Variants in ADGRE5 observed in about 807,000 individuals in gnomAD.
The protein encoded by ADGRE5 is CD97 molecule.
ADGRE5 carries 72 observed loss-of-function variants against 100.3 expected under a neutral mutation model. The observed-to-expected ratio is 0.72, with a 90% CI of 0.59 to 0.87. The LOEUF is 0.87. Among genes scored for constraint, ADGRE5 ranks in the 40% least tolerant of loss-of-function variants. The probability of loss-of-function intolerance (pLI) is 0.00; values close to 1 mark genes in which losing one functional copy is unlikely to be tolerated. For synonymous variants in ADGRE5, 439 were observed against 447.8 expected (o/e 0.98, Z 0.25); for missense variants, 959 against 1,094.7 (o/e 0.88, Z 1.75).
At chr19:14,399,202 G>A (rs1426698500) in intron 9 of ADGRE5, among the ~76,000 whole-genome samples, 2 of 151,850 alleles carry the variant, frequency 1.3e-5, no homozygotes, top group Non-Finnish European at 2.9e-5. Flanking sequence ...TATAGTCAGT[G>A]TGAAGGGTAA....
Position 14,408,716 on chromosome 19 carries a change from A to G in ADGRE5, c.*595A>G. On this transcript the variant is annotated 3_prime_UTR_variant, in exon 20 of 20. Transcript: ENST00000242786. ...TTGACACTTAAAATTAAACACATGC[A>G]TACAGAAGATGGCCTTGCCTGCTGG... 1.6e-6 allele frequency: 1 copy of G among 621,506 alleles called. No homozygotes were observed. Among genetic ancestry groups the G allele is most frequent in the Non-Finnish European group, 2.7e-6 (1 of 374,926 alleles). The allele number at this position is 621,506 out of a possible 1,614,324, so 38.5% of individuals were successfully genotyped here. A position where few individuals can be genotyped will look rare whatever the true frequency, so the allele number is the denominator to read the frequency against.
chr19:14,398,378 C>G (rs1975866827), intron 9 of ADGRE5: 7 of 513,642 alleles, frequency 1.4e-5, no homozygotes, highest in Non-Finnish European at 1.8e-5. Context: ...ACTTAAGAAC[C>G]TGGAGTTGAG....
chr19:14,387,754 T>C (rs751439629), intron 1 of ADGRE5, among the ~76,000 whole-genome samples: 1 of 151,144 alleles, frequency 6.6e-6, no homozygotes, highest in Non-Finnish European at 1.5e-5. Context: ...TTTAATTTTT[T>C]GGCCTGGCAT....
Position 14,402,680 on chromosome 19 carries a change from C to G in ADGRE5, c.1267C>G (p.Gln423Glu), listed in dbSNP as rs1229535536. The G allele has an allele frequency of 1.2e-6, 2 of 1,614,046 alleles. No individual in the cohort carries two copies. Among genetic ancestry groups the G allele is most frequent in the Non-Finnish European group, 1.7e-6 (2 of 1,180,028 alleles). Residue 423 changes from glutamine to glutamate, a missense_variant, in exon 12 of 20, where the codon CAA becomes GAA. By Grantham distance (29) the Gln-to-Glu change is conservative (BLOSUM62 2). This residue lies in a region of ADGRE5 where 246 missense variants were observed against 242.2 expected (regional missense o/e 1.02). Transcript: ENST00000242786. ...NASLNLHSKK[Q>E]AELEEIYESS... Reference sequence around the variant, plus strand: ...CTCCTTGAACCTGCATTCCAAGAAGCAAGCCGAACTGGAGGAGATATATGA... The same window carrying G: ...CTCCTTGAACCTGCATTCCAAGAAGGAAGCCGAACTGGAGGAGATATATGA...
At position 14,406,483 on chromosome 19, in the gene ADGRE5, C is replaced by T. The variant is rs375695239; in HGVS notation, c.1974C>T (p.Ile658=). ...QGLSTRWLCL[I]GYGVPLLIVG... is the part of the protein sequence containing the mutation. ...TGAGTACGCGCTGGCTCTGCCTGAT[C>T]GGCTATGGCGTGCCCCTGCTCATCG... Residue 658 remains isoleucine, a synonymous_variant, in exon 15 of 20, where the codon ATC becomes ATT. Transcript: ENST00000242786. This position sits in a 1 kb window ranked among gnomAD's most constrained non-coding sequence, Gnocchi z 6.0. 4 of 1,565,522 alleles carry T rather than the reference C, an allele frequency of 2.6e-6. No homozygotes were observed. The highest frequency in any genetic ancestry group is 1.4e-5 in the African/African-American group (1 of 73,760).
At chr19:14,388,578 T>A in intron 2 of ADGRE5, 78 bp downstream of exon 2, 1 of 1,599,508 alleles carries the variant, frequency 6.3e-7, no homozygotes, top group South Asian at 1.1e-5. Context: ...CCAGCCCCCT[T>A]CAGCCCAGGG....
intron 12 of ADGRE5, 53 bp downstream of exon 12, chr19:14,402,915 T>C (rs568309909): frequency 2.6e-4 from 403 of 1,576,208 alleles, no homozygotes; most frequent in Middle Eastern, 5.0e-4. Context: ...CCTTCGCACA[T>C]GCTGGGCCTC....
At chr19:14,383,525 A>C (rs1253353821) in intron 1 of ADGRE5, among the ~76,000 whole-genome samples, 1 of 151,938 alleles carries the variant, frequency 6.6e-6, no homozygotes, top group Non-Finnish European at 1.5e-5. Flanking sequence ...TAAATAATAA[A>C]TTATGATGAT....
chr19:14,404,601 T>C (rs1245549119), intron 13 of ADGRE5, 39 bp downstream of exon 13: 10 of 1,591,496 alleles, frequency 6.3e-6, no homozygotes, highest in Non-Finnish European at 8.6e-6. Context: ...CCACAGGTAA[T>C]GAGGTCCAGC....
intron 13 of ADGRE5, chr19:14,405,029 GAGAC>G (rs1976168353): frequency 1.2e-5 from 2 of 162,960 alleles, no homozygotes; most frequent in African/African-American, 4.8e-5. Context: ...ATTTTTAGTA[GAGAC>G]AGGGTTTCAC....
At chr19:14,385,710 G>A (rs1174827875) in intron 1 of ADGRE5, among the ~76,000 whole-genome samples, 2 of 152,038 alleles carry the variant, frequency 1.3e-5, no homozygotes, top group African/African-American at 4.8e-5. Context: ...GTGCACCTGT[G>A]TCCCTGAGGA....
intron 4 of ADGRE5, among the ~76,000 whole-genome samples, chr19:14,393,064 G>A (rs1430346279): frequency 6.6e-6 from 1 of 152,092 alleles, no homozygotes; most frequent in Non-Finnish European, 1.5e-5. Context: ...AGCCAGGCAT[G>A]GTGGCCGGCA....
At chr19:14,383,557 T>G (rs1412485256) in intron 1 of ADGRE5, among the ~76,000 whole-genome samples, 1 of 151,874 alleles carries the variant, frequency 6.6e-6, no homozygotes, top group Non-Finnish European at 1.5e-5. Context: ...GGTAAGACAC[T>G]AGTGGGTCTG....
intron 1 of ADGRE5, among the ~76,000 whole-genome samples, chr19:14,387,200 C>A (rs1340235381): frequency 6.6e-6 from 1 of 152,092 alleles, no homozygotes; most frequent in African/African-American, 2.4e-5. Flanking sequence ...GGGATTTGAA[C>A]TGGGGATGCC....
chr19:14,387,022 A>C (rs528717347), intron 1 of ADGRE5, among the ~76,000 whole-genome samples: 84 of 152,212 alleles, frequency 5.5e-4, no homozygotes, highest in Admixed American at 1.7e-3. Context: ...CTCAGAAAAA[A>C]AATAAAATAA....
intron 1 of ADGRE5, among the ~76,000 whole-genome samples, chr19:14,386,059 CTG>C (rs1285501047): frequency 6.6e-6 from 1 of 151,642 alleles, no homozygotes; most frequent in East Asian, 2.0e-4. Flanking sequence ...GCATGAGCCA[CTG>C]TGCCTGACCA....
At chr19:14,391,342 C>T (rs1031362849) in intron 4 of ADGRE5, 7 of 522,220 alleles carry the variant, frequency 1.3e-5, no homozygotes, top group East Asian at 3.2e-5. Context: ...ATTCAGAAAC[C>T]GCTGTCCACA....
Position 14,402,447 on chromosome 19 carries a change from A to AC in ADGRE5, c.1184-149dup. 3.4e-5 allele frequency: 27 copies of AC among 786,958 alleles called. No individual in the cohort carries two copies. The African/African-American group carries it at 3.9e-4, about 11-fold the overall frequency. 48.7% of individuals were successfully genotyped at this position (786,958 alleles called of 1,614,324 possible). ...GAAACTCCGTCTCAAAAAAAAAAAAACAAGGAACAACTAGAAACTGACTCA... is the reference window on the plus strand; with the variant it reads ...GAAACTCCGTCTCAAAAAAAAAAAAACCAAGGAACAACTAGAAACTGACTCA... On this transcript the variant is annotated intron_variant, in intron 11 of 19. Coordinates refer to ENST00000242786, the MANE Select transcript of ADGRE5 (RefSeq NM_078481.4).
intron 13 of ADGRE5, 72 bp from the exon 14 acceptor site, chr19:14,405,676 A>G (rs868356662): frequency 8.8e-5 from 100 of 1,139,724 alleles, no homozygotes; most frequent in Non-Finnish European, 2.8e-5. Flanking sequence ...TGTGGGGGGG[A>G]AAAGGGACCA....
Sources: allele counts gnomAD v4.1 joint callset (sites outside exome capture counted in the v4.1 genomes callset), GRCh38; gene constraint gnomAD v4.1.1; regional missense constraint gnomAD v4.1.1; non-coding constraint Gnocchi (gnomAD v3.1); transcripts MANE v1.5; gene names NCBI Gene and HGNC (gene_info 2026-07-23, HGNC 2026-07-21).